ARHGEF26: variants seen among roughly 807,000 people sequenced by gnomAD.
ARHGEF26 encodes Rho guanine nucleotide exchange factor (GEF) 26.
In ARHGEF26, 59 loss-of-function variants were observed where a neutral mutation model predicts 89.4. The ratio of observed to expected loss-of-function variants is 0.66; its 90% CI spans 0.54 to 0.82. ARHGEF26 has a LOEUF of 0.82. ARHGEF26 is among the 40% of genes least tolerant of loss of function. The probability of loss-of-function intolerance (pLI) is 0.00; values close to 1 mark genes in which losing one functional copy is unlikely to be tolerated. For missense variants in ARHGEF26, 1,234 were observed against 1,085.6 expected (o/e 1.14, Z -1.92); for synonymous variants, 500 against 428.4 (o/e 1.17, Z -2.06).
chr3:154,246,893 A>G (rs1156877857), intron 12 of ARHGEF26, among the ~76,000 whole-genome samples: 1 of 152,196 alleles, frequency 6.6e-6, no homozygotes, highest in African/African-American at 2.4e-5. Context: ...GTGAGCTGCT[A>G]GCTTGAGTTG....
chr3:154,175,499 AT>A (rs1414317586), intron 6 of ARHGEF26, among the ~76,000 whole-genome samples: 1 of 152,226 alleles, frequency 6.6e-6, no homozygotes, highest in Non-Finnish European at 1.5e-5. Context: ...AACCTTTAAA[AT>A]TGTATTTTCA....
At chr3:154,242,347 G>T (rs1455666302) in intron 12 of ARHGEF26, among the ~76,000 whole-genome samples, 2 of 152,198 alleles carry the variant, frequency 1.3e-5, no homozygotes, top group Non-Finnish European at 2.9e-5. Flanking sequence ...ATGAACAGGA[G>T]TTGGGAAAAG....
intron 6 of ARHGEF26, among the ~76,000 whole-genome samples, chr3:154,162,593 C>G (rs532056773): frequency 1.4e-3 from 219 of 152,174 alleles, no homozygotes; most frequent in Admixed American, 5.8e-3. Context: ...CATGTTCTCC[C>G]GGTGTCTGCG....
intron 12 of ARHGEF26, 32 bp from the exon 13 acceptor site, chr3:154,253,084 A>T (rs745556967): frequency 8.7e-6 from 14 of 1,612,284 alleles, no homozygotes; most frequent in Non-Finnish European, 1.2e-5. Flanking sequence ...TTACACCTTG[A>T]GTCTCTCAGT....
chr3:154,249,355 AT>A, intron 12 of ARHGEF26, among the ~76,000 whole-genome samples: 1 of 152,256 alleles, frequency 6.6e-6, no homozygotes, highest in Non-Finnish European at 1.5e-5. Context: ...CCTACTGTGC[AT>A]AATGAATTAT....
intron 6 of ARHGEF26, among the ~76,000 whole-genome samples, chr3:154,185,655 A>T (rs1203151828): frequency 6.6e-6 from 1 of 152,156 alleles, no homozygotes; most frequent in Non-Finnish European, 1.5e-5. Context: ...GTTATTGTGG[A>T]GGCTCCATTA....
intron 9 of ARHGEF26, among the ~76,000 whole-genome samples, chr3:154,213,998 A>T (rs774775363): frequency 1.3e-5 from 2 of 152,174 alleles, no homozygotes; most frequent in African/African-American, 2.4e-5. Context: ...AAAGACAAGT[A>T]GGGGGATATA....
intron 6 of ARHGEF26, among the ~76,000 whole-genome samples, chr3:154,164,862 G>A (rs1389016221): frequency 6.6e-6 from 1 of 152,122 alleles, no homozygotes; most frequent in Non-Finnish European, 1.5e-5. Flanking sequence ...TGAATAAGAT[G>A]CTTTCCAAGA....
intron 9 of ARHGEF26, among the ~76,000 whole-genome samples, chr3:154,197,895 T>C (rs1420167173): frequency 2.0e-5 from 3 of 152,228 alleles, no homozygotes; most frequent in South Asian, 4.1e-4. Flanking sequence ...GATGGTCTTA[T>C]GCCAAATGAA....
intron 6 of ARHGEF26, among the ~76,000 whole-genome samples, chr3:154,180,446 A>G (rs910980071): frequency 4.0e-5 from 6 of 151,256 alleles, no homozygotes; most frequent in Admixed American, 2.6e-4. Flanking sequence ...AAGGCCAAGG[A>G]CAGTGTTTGC....
At chr3:154,179,011 G>T (rs1713013578) in intron 6 of ARHGEF26, among the ~76,000 whole-genome samples, 1 of 152,064 alleles carries the variant, frequency 6.6e-6, no homozygotes, top group South Asian at 2.1e-4. Context: ...CATGGTCTAG[G>T]CCCAGGCTAT....
chr3:154,234,922 C>G (rs955302602), intron 11 of ARHGEF26, among the ~76,000 whole-genome samples: 1 of 152,084 alleles, frequency 6.6e-6, no homozygotes, highest in African/African-American at 2.4e-5. Flanking sequence ...CTCACCACCG[C>G]GCCCGGCTAA....
Position 154,129,661 on chromosome 3 carries a change from A to G in ARHGEF26, c.1211A>G (p.Asp404Gly), listed in dbSNP as rs1576680760. 3.7e-6 allele frequency: 6 copies of G among 1,612,340 alleles called. No homozygotes were observed. The Middle Eastern group carries it at 8.2e-4, about 222-fold the overall frequency. ...EESEPKEQKS[D>G]EKIVIHHKPL... The stretch of plus-strand genomic sequence containing the variant: ...TCAGAGCCCAAAGAACAGAAGTCAG[A>G]TGAAAAAATTGTGATTCACCATAAG... Residue 404 changes from aspartate to glycine, a missense_variant, in exon 4 of 15, where the codon GAT becomes GGT. By Grantham distance (94) the Asp-to-Gly change is moderately conservative. Transcript: ENST00000465093.
intron 9 of ARHGEF26, among the ~76,000 whole-genome samples, chr3:154,211,941 A>G (rs552800976): frequency 6.6e-6 from 1 of 152,228 alleles, no homozygotes; most frequent in African/African-American, 2.4e-5. Flanking sequence ...ACTTTCAACC[A>G]TTGTTAGCTG....
intron 6 of ARHGEF26, among the ~76,000 whole-genome samples, chr3:154,183,239 A>G (rs1015050379): frequency 2.0e-5 from 3 of 152,184 alleles, no homozygotes; most frequent in African/African-American, 7.2e-5. Flanking sequence ...GTTTCTAGGC[A>G]GCTTTTCCTG....
intron 11 of ARHGEF26, among the ~76,000 whole-genome samples, chr3:154,238,256 C>T (rs949502382): frequency 1.1e-4 from 16 of 152,146 alleles, no homozygotes; most frequent in Non-Finnish European, 1.5e-5. Context: ...AAATATTTGA[C>T]ATATCCAAGT....
intron 9 of ARHGEF26, among the ~76,000 whole-genome samples, chr3:154,207,520 G>C (rs758495138): frequency 2.6e-5 from 4 of 152,082 alleles, no homozygotes; most frequent in Non-Finnish European, 5.9e-5. Context: ...TCACTGATTA[G>C]AGAAATGCAA....
chr3:154,140,878 GC>G (rs1047560815), intron 4 of ARHGEF26, among the ~76,000 whole-genome samples: 7 of 152,178 alleles, frequency 4.6e-5, no homozygotes, highest in Admixed American at 4.6e-4. Flanking sequence ...ACCATGCCCA[GC>G]CTCTGAGTTC....
In ARHGEF26 at chr3:154,122,988, C is replaced by G; in HGVS notation, c.996C>G (p.Ser332Arg). The G allele has an allele frequency of 6.2e-7, 1 of 1,613,844 alleles. No homozygotes were observed. Among genetic ancestry groups the G allele is most frequent in the Non-Finnish European group, 8.5e-7 (1 of 1,179,854 alleles). ...GCTTTGATTTTGACAGTCCTACCAG[C>G]TCGAAGAAGAAGAACAGAATGTCCC... ...VSGFDFDSPT[S>R]SKKKNRMSQP... The change falls in exon 2 of 15, where the codon AGC (serine) becomes AGG (arginine). Residue 332 changes from serine (S) to arginine (R), a missense_variant. Ser to Arg is a moderately radical substitution (Grantham distance 110). Coordinates refer to ENST00000465093, the MANE Select transcript of ARHGEF26 (RefSeq NM_015595.4).
Sources: gnomAD v4.1 joint callset for allele counts (sites outside exome capture counted in the v4.1 genomes callset) on GRCh38, gnomAD v4.1.1 for gene constraint, MANE v1.5 for transcripts, NCBI Gene and HGNC (gene_info 2026-07-23, HGNC 2026-07-21) for gene names.